Variants in ANKRD26 observed in about 807,000 individuals in gnomAD.
The protein encoded by ANKRD26 is ankyrin repeat domain-containing protein 26.
Under a neutral mutation model 208.7 loss-of-function variants are expected in ANKRD26, and 141 were observed. The ratio of observed to expected loss-of-function variants is 0.68; its 90% CI spans 0.59 to 0.78. The LOEUF (loss-of-function observed/expected upper bound fraction) is 0.78, where lower values mean the gene tolerates loss of function less well. Ranked by LOEUF, ANKRD26 falls within the 30% of genes least tolerant of loss-of-function variation. ANKRD26 has a pLI of 0.00. For missense variants in ANKRD26, 1,889 were observed against 1,938.7 expected, an observed-to-expected ratio of 0.97 and a Z score of 0.48; for synonymous variants, 636 against 660.4, an observed-to-expected ratio of 0.96 and a Z score of 0.57.
At chr10:26,997,923 C>T (rs1308186451) in intron 4 of ANKRD26, among the ~76,000 whole-genome samples, 2 of 152,186 alleles carry the variant, frequency 1.3e-5, no homozygotes, top group African/African-American at 4.8e-5. Context: ...AGCGTCGGCC[C>T]CCTGGTCCCA....
At chr10:26,999,161 G>A (rs1241856710), downstream of ANKRD26, among the ~76,000 whole-genome samples, 1 of 152,124 alleles carries the variant, frequency 6.6e-6, no homozygotes, top group Non-Finnish European at 1.5e-5. Context: ...TGCCTTTTCT[G>A]TTCTAGTTCA....
At chr10:26,976,498 A>T (rs1022817834) in intron 5 of ANKRD26, among the ~76,000 whole-genome samples, 1 of 152,110 alleles carries the variant, frequency 6.6e-6, no homozygotes, top group Admixed American at 6.5e-5. Flanking sequence ...TACAGGCCTG[A>T]GCCACCGCAT....
At chr10:27,039,890 A>C (rs1343514781) in intron 21 of ANKRD26, 75 bp downstream of exon 21, 7 of 1,383,536 alleles carry the variant, frequency 5.1e-6, no homozygotes, top group Non-Finnish European at 6.1e-6. Context: ...CCAGAAGATA[A>C]GTCAGCAATT....
At chr10:26,984,954 A>G (rs1180822397) in intron 3 of ANKRD26, among the ~76,000 whole-genome samples, 1 of 152,054 alleles carries the variant, frequency 6.6e-6, no homozygotes, top group South Asian at 2.1e-4. Flanking sequence ...AATTTGAAAA[A>G]CCTGGCCAGT....
intron 3 of ANKRD26, among the ~76,000 whole-genome samples, chr10:26,985,720 C>T (rs111765536): frequency 2.0e-5 from 3 of 152,102 alleles, no homozygotes; most frequent in Non-Finnish European, 4.4e-5. Context: ...TTATGGGTCA[C>T]CCCAAGAAGG....
At chr10:27,023,181 T>A (rs183715399) in intron 28 of ANKRD26, among the ~76,000 whole-genome samples, 2 of 151,952 alleles carry the variant, frequency 1.3e-5, no homozygotes, top group Non-Finnish European at 2.9e-5. Flanking sequence ...ATACAAAAAT[T>A]AGCCAGGCGT....
At chr10:26,955,764 A>G in the ANKRD26 span, among the ~76,000 whole-genome samples, 1 of 152,216 alleles carries the variant, frequency 6.6e-6, no homozygotes, top group African/African-American at 2.4e-5. Flanking sequence ...TGTGTATGCA[A>G]CAAGTGAGAA....
In ANKRD26 at chr10:27,035,391, C is replaced by G; in HGVS notation, c.3059G>C (p.Arg1020Pro). The G allele has an allele frequency of 2.5e-6, 4 of 1,613,886 alleles. No individual in the cohort carries two copies. Among genetic ancestry groups the G allele is most frequent in the African/African-American group, 1.3e-5 (1 of 75,026 alleles). ...TCTTTTTGATGTCTCACTTTGATCA[C>G]GATCATGTATAGCAGCAGCCAATCT... Reference protein sequence around the residue: ...HSRLAAAIHDRDQSETSKREL... With the variant: ...HSRLAAAIHDPDQSETSKREL... Residue 1020 changes from arginine to proline, a missense_variant, in exon 24 of 34, where the codon CGT becomes CCT. By Grantham distance (103) the Arg-to-Pro change is moderately radical. This residue lies in a region of ANKRD26 where 1,272 missense variants were observed against 1,273.8 expected (regional missense o/e 1.00). Coordinates refer to ENST00000376087, the MANE Select transcript of ANKRD26 (RefSeq NM_014915.3).
At chr10:27,018,929 A>G (rs917433364) in intron 29 of ANKRD26, among the ~76,000 whole-genome samples, 156 of 152,332 alleles carry the variant, frequency 1.0e-3, no homozygotes, top group Non-Finnish European at 4.6e-4. Context: ...TGGTCTAGGC[A>G]AAGATTTTAT....
chr10:27,038,120 TG>T, intron 21 of ANKRD26, 66 bp from the exon 22 acceptor site: 1 of 1,329,760 alleles, frequency 7.5e-7, no homozygotes, highest in South Asian at 1.2e-5. Flanking sequence ...TTGTGTGATA[TG>T]CCGCTTTGTA....
At chr10:27,017,872 T>C in intron 29 of ANKRD26, 80 bp from the exon 30 acceptor site, 1 of 1,366,288 alleles carries the variant, frequency 7.3e-7, no homozygotes, top group Admixed American at 2.0e-5. Flanking sequence ...GAACAAATTT[T>C]GAAATAAATT....
In ANKRD26 at chr10:27,010,169, T is replaced by C. The variant is rs187470821; in HGVS notation, c.4953+2713A>G. On this transcript the variant is annotated intron_variant, in intron 32 of 33. Coordinates refer to ENST00000376087, the MANE Select transcript of ANKRD26 (RefSeq NM_014915.3). ...CTTTCAAAAAAATTTTTTTAATGTATGAAAGTCACTTGACCTGACAGAATG... is the reference window on the plus strand; with the variant it reads ...CTTTCAAAAAAATTTTTTTAATGTACGAAAGTCACTTGACCTGACAGAATG... 1.4e-3 allele frequency among the ~76,000 whole-genome samples: 214 copies of C among 152,350 alleles called. 1 individual carries two copies. The highest frequency in any genetic ancestry group is 5.0e-3 in the African/African-American group (208 of 41,580).
At chr10:27,025,940 T>C (rs912610144) in intron 27 of ANKRD26, among the ~76,000 whole-genome samples, 2 of 152,238 alleles carry the variant, frequency 1.3e-5, no homozygotes. Flanking sequence ...CATTTTATGT[T>C]GATTCTTATT....
At chr10:27,066,609 CAT>C in intron 10 of ANKRD26, 61 bp from the exon 11 acceptor site, 1 of 1,123,698 alleles carries the variant, frequency 8.9e-7, no homozygotes, top group East Asian at 2.4e-5. Context: ...ATTTTAAATA[CAT>C]AATTAAATAC....
chr10:27,090,126 T>C (rs955530749), intron 4 of ANKRD26, among the ~76,000 whole-genome samples: 9 of 152,260 alleles, frequency 5.9e-5, no homozygotes, highest in African/African-American at 1.4e-4. Context: ...TCATAAAATA[T>C]AGTGGGCATG....
At chr10:27,080,181 A>T (rs1001162722) in intron 6 of ANKRD26, 3 of 155,256 alleles carry the variant, frequency 1.9e-5, no homozygotes, top group African/African-American at 7.2e-5. Context: ...AAAATAAAAT[A>T]AAATAAATAA....
intron 5 of ANKRD26, among the ~76,000 whole-genome samples, chr10:26,994,362 G>A (rs2052544559): frequency 6.6e-6 from 1 of 152,166 alleles, no homozygotes; most frequent in Non-Finnish European, 1.5e-5. Context: ...TTTACACCAG[G>A]ATATCATTTT....
intron 27 of ANKRD26, 29 bp downstream of exon 27, chr10:27,028,823 G>A: frequency 6.4e-7 from 1 of 1,566,050 alleles, no homozygotes; most frequent in Non-Finnish European, 8.8e-7. Flanking sequence ...TTCCTTTTCA[G>A]TACGACAGAA....
At chr10:27,070,972 A>C (rs899365803) in intron 9 of ANKRD26, among the ~76,000 whole-genome samples, 2 of 151,702 alleles carry the variant, frequency 1.3e-5, no homozygotes, top group African/African-American at 4.8e-5. Context: ...GCCTAGAGAT[A>C]ATTTTGTAAA....
Sources: gnomAD v4.1 joint callset for allele counts (sites outside exome capture counted in the v4.1 genomes callset) on GRCh38, gnomAD v4.1.1 for gene constraint, gnomAD v4.1.1 regional missense constraint, MANE v1.5 for transcripts, NCBI Gene and HGNC (gene_info 2026-07-23, HGNC 2026-07-21) for gene names.